The following ELOVL6 variants were observed in gnomAD, a reference collection of about 807,000 sequenced individuals.
The protein encoded by ELOVL6 is very long chain fatty acid elongase 6.
A neutral mutation model predicts 31.7 loss-of-function variants in ELOVL6; 8 were observed. The ratio of observed to expected loss-of-function variants is 0.25; its 90% CI spans 0.15 to 0.45. The LOEUF (loss-of-function observed/expected upper bound fraction) is 0.45, where lower values mean the gene tolerates loss of function less well. Ranked by LOEUF, ELOVL6 falls within the 20% of genes least tolerant of loss-of-function variation. ELOVL6 has a pLI of 1.00. For missense variants in ELOVL6, 126 were observed against 326.4 expected, an observed-to-expected ratio of 0.39 and a Z score of 4.73; for synonymous variants, 101 against 117.7, an observed-to-expected ratio of 0.86 and a Z score of 0.92.
At position 110,198,290 on chromosome 4, in the gene ELOVL6, G is replaced by T. The variant is rs1422370650; in HGVS notation, c.46C>A (p.Gln16Lys). The change falls in exon 1 of 4, where the codon CAG becomes AAG. Residue 16 changes from glutamine (Q) to lysine (K), a missense_variant. Gln to Lys is a moderately conservative substitution (Grantham distance 53, BLOSUM62 1). Coordinates refer to ENST00000302274, the MANE Select transcript of ELOVL6 (RefSeq NM_024090.3). ...LTLQEYEFEK[Q>K]FNENEAIQWM... is the part of the protein sequence containing the mutation. ...TGGATGGCTTCATTCTCGTTGAACT[G>T]CTTTTCGAATTCATATTCTTGTAAA... is the stretch of plus-strand genomic sequence containing the variant. 6.2e-7 allele frequency: 1 copy of T among 1,612,438 alleles called. No homozygotes were observed. The highest frequency in any genetic ancestry group is 1.6e-4 in the Middle Eastern group (1 of 6,062).
intron 2 of ELOVL6, among the ~76,000 whole-genome samples, chr4:110,092,352 A>G (rs916279106): frequency 1.4e-4 from 21 of 152,364 alleles, no homozygotes; most frequent in African/African-American, 5.0e-4. Context: ...CGAGGTCATA[A>G]GAGGCCTGTA....
At chr4:110,120,995 T>A (rs1044901658) in intron 1 of ELOVL6, among the ~76,000 whole-genome samples, 4 of 152,070 alleles carry the variant, frequency 2.6e-5, no homozygotes, top group Non-Finnish European at 5.9e-5. Context: ...GAGACAGGGC[T>A]TCGCCACGTT....
chr4:110,057,322 T>C (rs1413907842), intron 3 of ELOVL6, among the ~76,000 whole-genome samples: 1 of 149,592 alleles, frequency 6.7e-6, no homozygotes, highest in East Asian at 1.9e-4. Context: ...CATGATTATT[T>C]CTTATTAAAA....
intron 1 of ELOVL6, among the ~76,000 whole-genome samples, chr4:110,136,966 T>G (rs933110066): frequency 2.0e-5 from 3 of 152,272 alleles, no homozygotes; most frequent in African/African-American, 7.2e-5. Context: ...AGAATTACTC[T>G]CTTTCTTCCT....
Position 110,084,448 on chromosome 4 carries a change from G to GCATATATCATATATGATATATCA in ELOVL6, c.221+21048_221+21049insTGATATATCATATATGATATATG, listed in dbSNP as rs1560815459. On this transcript the variant is annotated intron_variant, in intron 2 of 3. Coordinates refer to ENST00000302274, the MANE Select transcript of ELOVL6 (RefSeq NM_024090.3). ...TCACATATATCATATATGATATATC[G>GCATATATCATATATGATATATCA]CATATATCATATATGATATATAACA... is the stretch of plus-strand genomic sequence containing the variant. Among the ~76,000 whole-genome samples, 73 of 32,040 alleles carry GCATATATCATATATGATATATCA rather than the reference G, an allele frequency of 2.3e-3. 1 individual carries two copies. The highest frequency in any genetic ancestry group is 3.0e-3 in the Non-Finnish European group (63 of 21,046). The allele number at this position is 32,040 out of a possible 152,430, so 21.0% of individuals were successfully genotyped here.
intron 1 of ELOVL6, among the ~76,000 whole-genome samples, chr4:110,118,929 T>G (rs35740650): frequency 0.2 from 30,700 of 152,040 alleles, 3,726 homozygotes; most frequent in South Asian, 0.33. Flanking sequence ...CGCATGGTGG[T>G]AGGCATCTGT....
At chr4:110,157,764 T>C (rs1266004074) in intron 1 of ELOVL6, among the ~76,000 whole-genome samples, 6 of 152,306 alleles carry the variant, frequency 3.9e-5, no homozygotes, top group South Asian at 2.1e-4. Context: ...CAAGGAATTA[T>C]AGTATCTGCT....
intron 2 of ELOVL6, among the ~76,000 whole-genome samples, chr4:110,060,708 G>A (rs1175723697): frequency 2.0e-5 from 3 of 152,092 alleles, no homozygotes; most frequent in East Asian, 1.9e-4. Flanking sequence ...AACCATGCCC[G>A]GGACTGAAAG....
intron 1 of ELOVL6, among the ~76,000 whole-genome samples, chr4:110,119,547 G>A (rs1426415406): frequency 1.3e-5 from 2 of 152,140 alleles, no homozygotes; most frequent in Admixed American, 6.5e-5. Context: ...TTTCTACAGC[G>A]GGAAGCAGAG....
intron 1 of ELOVL6, among the ~76,000 whole-genome samples, chr4:110,196,840 C>A (rs1186053746): frequency 6.6e-6 from 1 of 152,110 alleles, no homozygotes; most frequent in East Asian, 1.9e-4. Flanking sequence ...CATTGGGGCC[C>A]GGACCAGCCC....
At chr4:110,178,723 G>A (rs1030808322) in intron 1 of ELOVL6, among the ~76,000 whole-genome samples, 7 of 151,898 alleles carry the variant, frequency 4.6e-5, no homozygotes, top group Non-Finnish European at 7.4e-5. Flanking sequence ...GTGTGGTGGT[G>A]CTTGCCTGTA....
intron 1 of ELOVL6, among the ~76,000 whole-genome samples, chr4:110,193,966 G>A (rs1013232323): frequency 5.3e-5 from 8 of 152,168 alleles, no homozygotes; most frequent in African/African-American, 1.9e-4. Context: ...CTATTGGTGG[G>A]CACCGTGTCA....
chr4:110,084,169 A>ACT lies in ELOVL6; in HGVS notation c.221+21327_221+21328insAG, dbSNP rs1756059852. Among the ~76,000 whole-genome samples, 224 of 43,070 alleles carry ACT rather than the reference A, an allele frequency of 5.2e-3. 21 individuals carry two copies. Among genetic ancestry groups the ACT allele is most frequent in the African/African-American group, 0.028 (177 of 6,312 alleles). 28.3% of individuals were successfully genotyped at this position (43,070 alleles called of 152,430 possible). ...ATGATATATATAACATATATGTGAT[A>ACT]TATATGATATATATAACATATAACT... is the stretch of plus-strand genomic sequence containing the variant. On this transcript the variant is annotated intron_variant, in intron 2 of 3. Coordinates refer to ENST00000302274, the MANE Select transcript of ELOVL6 (RefSeq NM_024090.3).
intron 3 of ELOVL6, among the ~76,000 whole-genome samples, chr4:110,055,448 C>T (rs1388686938): frequency 2.0e-5 from 3 of 152,324 alleles, no homozygotes; most frequent in Admixed American, 6.5e-5. Flanking sequence ...CCTCCTGGCT[C>T]ATGTTCTCTG....
At chr4:110,163,354 T>C (rs545618769) in intron 1 of ELOVL6, among the ~76,000 whole-genome samples, 1 of 152,342 alleles carries the variant, frequency 6.6e-6, no homozygotes, top group East Asian at 1.9e-4. Flanking sequence ...ATCACACTAT[T>C]TTCTTTATAG....
intron 1 of ELOVL6, chr4:110,117,903 A>AAAAAATATATATATATATAT: frequency 1.1e-3 from 7 of 6,498 alleles, no homozygotes; most frequent in South Asian, 0.012. Flanking sequence ...AAAAAAAAAA[A>AAAAAATATATATATATATAT]ATATATATAT....
At chr4:110,084,082 A>G (rs1251506140) in intron 2 of ELOVL6, among the ~76,000 whole-genome samples, 4 of 128,344 alleles carry the variant, frequency 3.1e-5, no homozygotes, top group African/African-American at 1.2e-4. Flanking sequence ...TATGCTATAT[A>G]TGATATATAA....
At position 110,084,568 on chromosome 4, in the gene ELOVL6, A is replaced by ATT. The variant is rs1756174048; in HGVS notation, c.221+20928_221+20929insAA. The stretch of plus-strand genomic sequence containing the variant: ...CACACACACACACACACACAGATAT[A>ATT]TATATATATATATATATATATTTTT... On this transcript the variant is annotated intron_variant, in intron 2 of 3. Coordinates refer to ENST00000302274, the MANE Select transcript of ELOVL6 (RefSeq NM_024090.3). Among the ~76,000 whole-genome samples the ATT allele has an allele frequency of 8.3e-3, 326 of 39,410 alleles. 18 individuals carry two copies. The highest frequency in any genetic ancestry group is 0.059 in the African/African-American group (301 of 5,074). 25.9% of individuals were successfully genotyped at this position (39,410 alleles called of 152,430 possible). A position where few individuals can be genotyped will look rare whatever the true frequency, so the allele number is the denominator to read the frequency against.
intron 3 of ELOVL6, among the ~76,000 whole-genome samples, chr4:110,052,677 G>T (rs997079350): frequency 2.0e-5 from 3 of 152,168 alleles, no homozygotes; most frequent in Non-Finnish European, 4.4e-5. Context: ...AAAAGTTTCA[G>T]GGCTCTGAAA....
Sources: gnomAD v4.1 joint callset for allele counts (sites outside exome capture counted in the v4.1 genomes callset) on GRCh38, gnomAD v4.1.1 for gene constraint, MANE v1.5 for transcripts, NCBI Gene and HGNC (gene_info 2026-07-23, HGNC 2026-07-21) for gene names.